Variants in PEX6 observed in about 807,000 individuals in gnomAD.
PEX6 encodes the protein peroxisome biogenesis factor 6.
PEX6 carries 55 observed loss-of-function variants against 85.6 expected under a neutral mutation model. The ratio of observed to expected loss-of-function variants is 0.64; its 90% confidence interval spans 0.52 to 0.80. PEX6 has a LOEUF of 0.80. Among genes scored for constraint, PEX6 ranks in the 30% least tolerant of loss-of-function variants. PEX6 has a pLI of 0.00. For synonymous variants in PEX6, 519 were observed against 549.1 expected, an observed-to-expected ratio of 0.95 and a Z score of 0.77; for missense variants, 1,099 against 1,260.3, an observed-to-expected ratio of 0.87 and a Z score of 1.94.
At position 42,966,653 on chromosome 6, in the gene PEX6, C is replaced by T; in HGVS notation, c.1966G>A (p.Ala656Thr). The change falls in exon 10 of 17, where the codon GCA (alanine) becomes ACA (threonine). Residue 656 changes from alanine (A) to threonine (T), a missense_variant. Ala to Thr is a moderately conservative substitution (Grantham distance 58). Transcript: ENST00000304611. ...ACTRIKNSGL[A>T]GGLTEEDEGE... The stretch of plus-strand genomic sequence containing the variant: ...TCATCCTCCTCAGTCAAGCCACCTG[C>T]CAAACTGCAAAGAGGAACACAGGGA... The T allele has an allele frequency of 6.2e-7, 1 of 1,614,174 alleles. No individual in the cohort carries two copies. The highest frequency in any genetic ancestry group is 1.1e-5 in the South Asian group (1 of 91,084).
At position 42,978,533 on chromosome 6, in the gene PEX6, C is replaced by T. The variant is rs200477648; in HGVS notation, c.618G>A (p.Gly206=). ...GGCCACGGAGACAGCTCCGGCTCACCCCTAGTGAATCTCCAGTCCCTCCCA... is the reference window on the plus strand; with the variant it reads ...GGCCACGGAGACAGCTCCGGCTCACTCCTAGTGAATCTCCAGTCCCTCCCA... The part of the protein sequence containing the change: ...GVLGGTGDSL[G]VSRSCLRGLG... Residue 206 remains glycine, a synonymous_variant, in exon 1 of 17, where the codon GGG becomes GGA. Coordinates refer to ENST00000304611, the MANE Select transcript of PEX6 (RefSeq NM_000287.4). 3.7e-6 allele frequency: 6 copies of T among 1,614,000 alleles called. No homozygotes were observed. The African/African-American group carries it at 6.7e-5, about 18-fold the overall frequency.
At chr6:42,968,050 G>A (rs1034680370) in intron 7 of PEX6, among the ~76,000 whole-genome samples, 3 of 151,170 alleles carry the variant, frequency 2.0e-5, no homozygotes, top group Non-Finnish European at 4.4e-5. Flanking sequence ...GGGCTCAAGT[G>A]ATTCTCCTGC....
intron 1 of PEX6, 127 bp downstream of exon 1, chr6:42,978,142 G>T: frequency 1.6e-6 from 2 of 1,216,512 alleles, no homozygotes; most frequent in Non-Finnish European, 2.4e-6. Flanking sequence ...ACCGCGCCCG[G>T]CTAGAAACAT....
intron 1 of PEX6, among the ~76,000 whole-genome samples, chr6:42,976,286 T>C (rs1770297403): frequency 6.6e-6 from 1 of 152,224 alleles, no homozygotes; most frequent in African/African-American, 2.4e-5. Context: ...GCTTCCATAT[T>C]GGACAGCACC....
chr6:42,978,478 C>T lies in PEX6; in HGVS notation c.673G>A (p.Val225Met), dbSNP rs1770406575. The T allele has an allele frequency of 1.9e-6, 3 of 1,614,194 alleles. No individual in the cohort carries two copies. The highest frequency in any genetic ancestry group is 2.5e-6 in the Non-Finnish European group (3 of 1,180,036). ...LGLFQGEWVW[V>M]AQARESSNTS... ...TTCGATGACTCTCTGGCCTGGGCCACCCACACCCATTCGCCCTGGAAGAGG... is the reference window on the plus strand; with the variant it reads ...TTCGATGACTCTCTGGCCTGGGCCATCCACACCCATTCGCCCTGGAAGAGG... The change falls in exon 1 of 17, where the codon GTG becomes ATG. Residue 225 changes from valine to methionine, a missense_variant. Around this residue, in one of 3 missense-constraint regions of PEX6, gnomAD observed 579 missense variants for 611.6 expected, o/e 0.95. Coordinates refer to ENST00000304611, the MANE Select transcript of PEX6 (RefSeq NM_000287.4).
rs982481438 is a variant in PEX6, at chr6:42,965,989, G to A, written c.2362+55C>T. 2.9e-5 allele frequency: 46 copies of A among 1,574,874 alleles called. No homozygotes were observed. Among genetic ancestry groups the A allele is most frequent in the Non-Finnish European group, 3.8e-5 (44 of 1,146,086 alleles). ...TAGCCTGGGAGTAGGGGGTGGCTTG[G>A]GGGCCATCGGGGTTTGGGAAGCATG... On this transcript the variant is annotated intron_variant, in intron 12 of 16. Coordinates refer to ENST00000304611, the MANE Select transcript of PEX6 (RefSeq NM_000287.4). This position sits in a 1 kb window ranked among gnomAD's most constrained non-coding sequence, Gnocchi z 5.0.
rs1239753475 is a variant in PEX6 at position 42,964,361 on chromosome 6, T to G, written c.2917A>C (p.Ile973Leu). The part of the protein sequence containing the change: ...SEQELLRYKR[I>L]QRKFAAC ...TAGCAGGCAGCAAACTTGCGCTGGA[T>G]GCGCTTGTACCGGAGCAGCTCCTGC... The change falls in exon 17 of 17, where the codon ATC becomes CTC. Residue 973 changes from isoleucine (I) to leucine (L), a missense_variant. By Grantham distance (5) the Ile-to-Leu change is conservative. Transcript: ENST00000304611. This position sits in a 1 kb window ranked among gnomAD's most constrained non-coding sequence, Gnocchi z 4.6. 2 of 1,613,854 alleles carry G rather than the reference T, an allele frequency of 1.2e-6. No homozygotes were observed. Among genetic ancestry groups the G allele is most frequent in the Non-Finnish European group, 1.7e-6 (2 of 1,180,026 alleles).
intron 5 of PEX6, 109 bp downstream of exon 5, chr6:42,969,559 C>T (rs1769983871): frequency 1.4e-6 from 2 of 1,411,570 alleles, no homozygotes; most frequent in Non-Finnish European, 2.0e-6. Context: ...GGAAGGTCCT[C>T]CCAATCCCAC....
intron 7 of PEX6, 41 bp downstream of exon 7, chr6:42,968,249 C>T (rs751493550): frequency 1.1e-5 from 17 of 1,562,912 alleles, no homozygotes; most frequent in South Asian, 3.3e-5. Flanking sequence ...CGCGCCCAGC[C>T]GGCCCCCCCA....
chr6:42,979,130 C>A lies in PEX6; in HGVS notation c.21G>T (p.Arg7=), dbSNP rs908910430. ...TCTCGGTCGGAAAGGGCTCCAGGACCCGCAAGACAGCCAGCGCCATGGTGA... is the reference window on the plus strand; with the variant it reads ...TCTCGGTCGGAAAGGGCTCCAGGACACGCAAGACAGCCAGCGCCATGGTGA... MALAVL[R]VLEPFPTETP... Residue 7 remains arginine (R), a synonymous_variant, in exon 1 of 17, where the codon CGG becomes CGT. Coordinates refer to ENST00000304611, the MANE Select transcript of PEX6 (RefSeq NM_000287.4). 5.7e-6 allele frequency: 9 copies of A among 1,576,906 alleles called. No individual in the cohort carries two copies. Among genetic ancestry groups the A allele is most frequent in the Non-Finnish European group, 7.7e-6 (9 of 1,170,302 alleles).
chr6:42,978,968 G>T lies in PEX6; in HGVS notation c.183C>A (p.Asp61Glu). The T allele has an allele frequency of 6.7e-7, 1 of 1,500,508 alleles. No homozygotes were observed. The highest frequency in any genetic ancestry group is 1.2e-5 in the South Asian group (1 of 80,140). 92.9% of individuals were successfully genotyped at this position (1,500,508 alleles called of 1,614,324 possible). A position where few individuals can be genotyped will look rare whatever the true frequency, so the allele number is the denominator to read the frequency against. ...CGGGACCCTGCTCTTCGGTGCCCGCGTCCGGCCCCTCCAGGGCTGCCACCA... is the reference window on the plus strand; with the variant it reads ...CGGGACCCTGCTCTTCGGTGCCCGCTTCCGGCCCCTCCAGGGCTGCCACCA... Reference protein sequence around the residue: ...ALLVAALEGPDAGTEEQGPGP... With the variant: ...ALLVAALEGPEAGTEEQGPGP... Residue 61 changes from aspartate (D) to glutamate (E), a missense_variant, in exon 1 of 17, where the codon GAC (aspartate) becomes GAA (glutamate). This residue lies in a region of PEX6 where 579 missense variants were observed against 611.6 expected (regional missense o/e 0.95). Transcript: ENST00000304611.
chr6:42,965,996 T>G lies in PEX6; in HGVS notation c.2362+48A>C. ...GGAGTAGGGGGTGGCTTGGGGGCCA[T>G]CGGGGTTTGGGAAGCATGGGACGCC... On this transcript the variant is annotated intron_variant, in intron 12 of 16. Coordinates refer to ENST00000304611, the MANE Select transcript of PEX6 (RefSeq NM_000287.4). The surrounding 1 kb of genome is among the most constrained non-coding windows in gnomAD (Gnocchi z 5.0). 1 of 1,595,740 alleles carries G rather than the reference T, an allele frequency of 6.3e-7. No homozygotes were observed. Among genetic ancestry groups the G allele is most frequent in the Non-Finnish European group, 8.6e-7 (1 of 1,164,840 alleles).
Position 42,965,209 on chromosome 6 carries a change from A to T in PEX6, c.2588+43T>A. ...GGAGCCCAGCCATGAGGGGTGAAGG[A>T]GGCACAAAATGAGGGTGGAGATGAG... is the stretch of plus-strand genomic sequence containing the variant. On this transcript the variant is annotated intron_variant, in intron 14 of 16. Transcript: ENST00000304611. This position sits in a 1 kb window ranked among gnomAD's most constrained non-coding sequence, Gnocchi z 5.0. The T allele has an allele frequency of 6.2e-7, 1 of 1,608,328 alleles. No homozygotes were observed.
rs371782808 is a variant in PEX6, at chr6:42,968,428, C to G, written c.1550G>C (p.Arg517Pro). ...GACTGCAGGCCGGCAACGGCGGGCCCGGGAGAAGATGGCCTGCAGTTTTGT... is the reference window on the plus strand; with the variant it reads ...GACTGCAGGCCGGCAACGGCGGGCCGGGGAGAAGATGGCCTGCAGTTTTGT... ...VETKLQAIFS[R>P]ARRCRPAVLL... The change falls in exon 7 of 17, where the codon CGG (arginine) becomes CCG (proline). Residue 517 changes from arginine (R) to proline (P), a missense_variant. Physicochemically the swap from Arg to Pro is moderately radical, Grantham distance 103. Transcript: ENST00000304611. 2 of 1,611,738 alleles carry G rather than the reference C, an allele frequency of 1.2e-6. No homozygotes were observed. The highest frequency in any genetic ancestry group is 1.7e-5 in the Admixed American group (1 of 59,640).
Position 42,968,331 on chromosome 6 carries a change from A to G in PEX6, c.1647T>C (p.Ala549=), listed in dbSNP as rs763258500. The G allele has an allele frequency of 3.1e-6, 5 of 1,614,152 alleles. No homozygotes were observed. Among genetic ancestry groups the G allele is most frequent in the Non-Finnish European group, 4.2e-6 (5 of 1,180,038 alleles). Reference sequence around the variant, plus strand: ...CATTGAGGAGGAGGTGACGCAGCACAGCCATCACACGGGCATCCTCACCCA... The same window carrying G: ...CATTGAGGAGGAGGTGACGCAGCACGGCCATCACACGGGCATCCTCACCCA... ...DGLGEDARVM[A]VLRHLLLNED... is the part of the protein sequence containing the mutation. The change falls in exon 7 of 17, where the codon GCT becomes GCC. Residue 549 remains alanine, a synonymous_variant. Coordinates refer to ENST00000304611, the MANE Select transcript of PEX6 (RefSeq NM_000287.4).
In PEX6 at chr6:42,974,004, T is replaced by A; in HGVS notation, c.1129A>T (p.Arg377Trp). 6.2e-7 allele frequency: 1 copy of A among 1,611,646 alleles called. No homozygotes were observed. Among genetic ancestry groups the A allele is most frequent in the Non-Finnish European group, 8.5e-7 (1 of 1,177,698 alleles). The change falls in exon 3 of 17, where the codon AGG becomes TGG. Residue 377 changes from arginine to tryptophan, a missense_variant and splice_region_variant. Arg to Trp is a moderately radical substitution (Grantham distance 101, BLOSUM62 -3). This residue lies in a region of PEX6 where 579 missense variants were observed against 611.6 expected (regional missense o/e 0.95). Transcript: ENST00000304611. ...ILEGSPEKLPRWREMFFKVKK... is the reference protein window; with the variant it reads ...ILEGSPEKLPWWREMFFKVKK... ...GTAGGACAGAAGGCAGCTGCATACC[T>A]GGGCAGTTTCTCTGGACTTCCTTCC... is the stretch of plus-strand genomic sequence containing the variant.
In PEX6 at chr6:42,974,048, A is replaced by G. The variant is rs571650965; in HGVS notation, c.1085T>C (p.Ile362Thr). The change falls in exon 3 of 17, where the codon ATT becomes ACT. Residue 362 changes from isoleucine to threonine, a missense_variant. Around this residue, in one of 3 missense-constraint regions of PEX6, gnomAD observed 579 missense variants for 611.6 expected, o/e 0.95. Transcript: ENST00000304611. The part of the protein sequence containing the change: ...QEGDVLCVPT[I>T]GQVEILEGSP... ...TCCTTCCAGGATCTCTACTTGCCCA[A>G]TTGTTGGCACACATAGAACATCCCC... The G allele has an allele frequency of 1.5e-5, 24 of 1,614,080 alleles. No homozygotes were observed. Among genetic ancestry groups the G allele is most frequent in the African/African-American group, 2.7e-5 (2 of 75,030 alleles).
chr6:42,972,626 C>T (rs949568830), intron 3 of PEX6, among the ~76,000 whole-genome samples: 27 of 151,878 alleles, frequency 1.8e-4, no homozygotes, highest in Admixed American at 1.2e-3. Flanking sequence ...AAAAATTAGC[C>T]GGGCGTGGTG....
intron 6 of PEX6, among the ~76,000 whole-genome samples, 169 bp from the exon 7 acceptor site, chr6:42,968,667 T>C (rs1193319554): frequency 6.6e-6 from 1 of 152,216 alleles, no homozygotes; most frequent in Non-Finnish European, 1.5e-5. Context: ...TCCCATTCCC[T>C]GGACTGTCCA....
Sources: gnomAD v4.1 joint callset for allele counts (sites outside exome capture counted in the v4.1 genomes callset) on GRCh38, gnomAD v4.1.1 for gene constraint, gnomAD v4.1.1 regional missense constraint, Gnocchi (gnomAD v3.1) non-coding constraint, MANE v1.5 for transcripts, NCBI Gene and HGNC (gene_info 2026-07-23, HGNC 2026-07-21) for gene names.